Variants in PRELID2 observed in about 807,000 individuals in gnomAD.
PRELID2 encodes PRELI domain containing 2, also known as PRELI domain-containing protein 2.
In PRELID2, 25 loss-of-function variants were observed where a neutral mutation model predicts 28.4. The observed-to-expected ratio is 0.88, with a 90% CI of 0.64 to 1.23. PRELID2 has a LOEUF of 1.23. Among genes scored for constraint, PRELID2 ranks in the 50% most tolerant of loss-of-function variants. The pLI is 0.00. For missense variants in PRELID2, 201 were observed against 214.4 expected (o/e 0.94, Z 0.39); for synonymous variants, 76 against 71.6 (o/e 1.06, Z -0.31).
chr5:145,833,426 C>CA (rs1178609332), intron 1 of PRELID2, among the ~76,000 whole-genome samples: 4 of 152,118 alleles, frequency 2.6e-5, no homozygotes, highest in East Asian at 1.9e-4. Context: ...CCAGTTCTAA[C>CA]AAAAAAATTG....
intron 1 of PRELID2, among the ~76,000 whole-genome samples, chr5:145,571,890 G>A (rs190854351): frequency 6.6e-6 from 1 of 151,466 alleles, no homozygotes; most frequent in African/African-American, 2.4e-5. Flanking sequence ...TCTGAGGCAG[G>A]AGAATGGCGT....
chr5:145,315,972 T>C, the PRELID2 span, among the ~76,000 whole-genome samples: 2 of 152,204 alleles, frequency 1.3e-5, no homozygotes, highest in Admixed American at 6.5e-5. Context: ...ACATTTACTA[T>C]TATCTATACT....
the PRELID2 span, among the ~76,000 whole-genome samples, chr5:145,273,420 T>C: frequency 2.0e-5 from 3 of 151,732 alleles, no homozygotes; most frequent in Admixed American, 6.6e-5. Flanking sequence ...AACCAAATGA[T>C]GGATTGTCAG....
intron 2 of PRELID2, among the ~76,000 whole-genome samples, chr5:145,822,729 T>C (rs1249365960): frequency 6.6e-6 from 1 of 152,238 alleles, no homozygotes; most frequent in African/African-American, 2.4e-5. Context: ...AACATTGTTC[T>C]GAATATTAAA....
chr5:145,403,608 A>G, the PRELID2 span, among the ~76,000 whole-genome samples: 1 of 152,190 alleles, frequency 6.6e-6, no homozygotes, highest in East Asian at 1.9e-4. Context: ...GGGTAAAAGA[A>G]GGAAAGTTTA....
downstream of PRELID2, among the ~76,000 whole-genome samples, chr5:145,755,542 G>A (rs1169077654): frequency 6.6e-6 from 1 of 152,174 alleles, no homozygotes; most frequent in Non-Finnish European, 1.5e-5. Context: ...AAAAAAGACT[G>A]CATTGACCTG....
At chr5:145,387,253 C>A in the PRELID2 span, among the ~76,000 whole-genome samples, 1 of 151,984 alleles carries the variant, frequency 6.6e-6, no homozygotes, top group African/African-American at 2.4e-5. Flanking sequence ...AATGTAGATG[C>A]ATGGTTATGT....
At chr5:145,409,065 T>C in the PRELID2 span, among the ~76,000 whole-genome samples, 2 of 152,188 alleles carry the variant, frequency 1.3e-5, no homozygotes, top group Admixed American at 6.5e-5. Context: ...GTCCTATCCT[T>C]AGCCTCCTTA....
At chr5:145,716,592 A>C (rs905677300) in intron 1 of PRELID2, among the ~76,000 whole-genome samples, 1 of 152,188 alleles carries the variant, frequency 6.6e-6, no homozygotes, top group African/African-American at 2.4e-5. Flanking sequence ...AGCAGCTTTC[A>C]TGTATTCATC....
chr5:145,444,894 GA>G, the PRELID2 span, among the ~76,000 whole-genome samples: 1 of 151,870 alleles, frequency 6.6e-6, no homozygotes, highest in Non-Finnish European at 1.5e-5. Context: ...GGGAAACACA[GA>G]AAATAAGTAA....
intron 4 of PRELID2, among the ~76,000 whole-genome samples, chr5:145,796,916 T>C (rs1752794709): frequency 6.6e-6 from 1 of 152,082 alleles, no homozygotes; most frequent in Non-Finnish European, 1.5e-5. Flanking sequence ...GGCAAGTAAA[T>C]GAGTTATCAC....
the PRELID2 span, among the ~76,000 whole-genome samples, chr5:145,431,059 G>A: frequency 8.5e-6 from 1 of 117,902 alleles, no homozygotes; most frequent in Non-Finnish European, 1.7e-5. Context: ...CATTTTGTCA[G>A]AGTTGAGCAT....
chr5:145,665,999 A>AAAAG (rs1554082389), intron 1 of PRELID2, among the ~76,000 whole-genome samples: 8 of 147,766 alleles, frequency 5.4e-5, no homozygotes, highest in East Asian at 2.0e-4. Flanking sequence ...AAAAAAAAAA[A>AAAAG]AAAGAAAGAA....
chr5:145,468,003 G>C (rs1420058709), downstream of PRELID2, among the ~76,000 whole-genome samples: 4 of 151,862 alleles, frequency 2.6e-5, no homozygotes, highest in African/African-American at 9.7e-5. Flanking sequence ...TGCCATGTTG[G>C]TGTGCTGCAG....
intron 1 of PRELID2, among the ~76,000 whole-genome samples, chr5:145,491,598 C>T (rs1385722013): frequency 6.6e-6 from 1 of 151,334 alleles, no homozygotes; most frequent in African/African-American, 2.4e-5. Flanking sequence ...ATAATATATA[C>T]AATATATTAT....
chr5:145,727,413 G>A (rs1260002885), intron 1 of PRELID2, among the ~76,000 whole-genome samples: 1 of 152,146 alleles, frequency 6.6e-6, no homozygotes, highest in African/African-American at 2.4e-5. Context: ...CTGGACCCTG[G>A]ACATGTTTCA....
At chr5:145,748,253 C>T (rs779835430) in intron 1 of PRELID2, among the ~76,000 whole-genome samples, 6 of 152,226 alleles carry the variant, frequency 3.9e-5, no homozygotes, top group South Asian at 4.1e-4. Flanking sequence ...TTATGTTTAG[C>T]GAACCCTTCA....
At chr5:145,359,891 G>A in the PRELID2 span, among the ~76,000 whole-genome samples, 1 of 152,152 alleles carries the variant, frequency 6.6e-6, no homozygotes, top group Non-Finnish European at 1.5e-5. Context: ...ATCCTCATGG[G>A]AATAAATTTT....
chr5:145,425,717 G>A, the PRELID2 span, among the ~76,000 whole-genome samples: 1 of 152,068 alleles, frequency 6.6e-6, no homozygotes, highest in Admixed American at 6.6e-5. Context: ...AAAACATATG[G>A]ACACATGGTG....
Sources: allele counts gnomAD v4.1 joint callset (sites outside exome capture counted in the v4.1 genomes callset), GRCh38; gene constraint gnomAD v4.1.1; transcripts MANE v1.5; gene names NCBI Gene and HGNC (gene_info 2026-07-23, HGNC 2026-07-21).